The following SAXO5 variants were observed in gnomAD, a reference collection of about 807,000 sequenced individuals.
SAXO5 encodes stabilizer of axonemal microtubules 5, also known as testis expressed 45.
At chr19:7,503,805 A>T in the SAXO5 span, among the ~76,000 whole-genome samples, 1 of 151,724 alleles carries the variant, frequency 6.6e-6, no homozygotes, top group Non-Finnish European at 1.5e-5. Context: ...ATTTATCATT[A>T]TTTTTTAGAG....
At chr19:7,502,379 G>A in the SAXO5 span, among the ~76,000 whole-genome samples, 1 of 152,072 alleles carries the variant, frequency 6.6e-6, no homozygotes, top group Non-Finnish European at 1.5e-5. Context: ...CAAAGTGCTG[G>A]GATTATAGGC....
chr19:7,501,070 A>C, the SAXO5 span: 54 of 1,501,630 alleles, frequency 3.6e-5, no homozygotes, highest in African/African-American at 7.7e-4. Flanking sequence ...TCGGAGGCGC[A>C]CCGCGCGTTC....
At chr19:7,504,286 C>T in the SAXO5 span, 41 of 1,613,572 alleles carry the variant, frequency 2.5e-5, no homozygotes, top group Non-Finnish European at 8.5e-7. Context: ...GTGGTTTGGG[C>T]CTTCCTATCC....
At chr19:7,508,122 T>A in the SAXO5 span, 1 of 1,182,128 alleles carries the variant, frequency 8.5e-7, no homozygotes, top group South Asian at 1.4e-5. Flanking sequence ...CCCTGACTCA[T>A]CAGGCCTGGA....
chr19:7,504,342 A>C, the SAXO5 span: 1 of 1,614,190 alleles, frequency 6.2e-7, no homozygotes, highest in Non-Finnish European at 8.5e-7. Context: ...GGAGACTGCA[A>C]GATCAGCTAT....
chr19:7,502,593 T>C, the SAXO5 span, among the ~76,000 whole-genome samples: 1 of 152,124 alleles, frequency 6.6e-6, no homozygotes, highest in Non-Finnish European at 1.5e-5. Context: ...ATCCTCTGAA[T>C]CTGTCCAGAG....
At chr19:7,502,482 G>C in the SAXO5 span, among the ~76,000 whole-genome samples, 2 of 152,200 alleles carry the variant, frequency 1.3e-5, no homozygotes, top group Non-Finnish European at 2.9e-5. Flanking sequence ...CAGAGATGCT[G>C]CCAAGTATCC....
chr19:7,501,379 G>T, the SAXO5 span: 4 of 1,505,744 alleles, frequency 2.7e-6, no homozygotes, highest in Non-Finnish European at 3.5e-6. Flanking sequence ...CCGCAGCCTC[G>T]CGCGCCCAGT....
At chr19:7,501,751 G>A in the SAXO5 span, among the ~76,000 whole-genome samples, 41 of 151,960 alleles carry the variant, frequency 2.7e-4, no homozygotes, top group Admixed American at 2.7e-3. Context: ...AACCCAGGGG[G>A]CAGAGGTTGT....
the SAXO5 span, chr19:7,507,152 CG>C: frequency 6.2e-7 from 1 of 1,610,686 alleles, no homozygotes; most frequent in African/African-American, 1.3e-5. Context: ...GTAAGGGAGG[CG>C]GAGGGGAGCC....
At chr19:7,501,527 G>T in the SAXO5 span, 1 of 1,135,058 alleles carries the variant, frequency 8.8e-7, no homozygotes, top group Non-Finnish European at 1.2e-6. Context: ...TTGGTGGTCA[G>T]GACTTGGGGG....
chr19:7,505,318 G>A, the SAXO5 span: 2 of 1,612,850 alleles, frequency 1.2e-6, no homozygotes, highest in Non-Finnish European at 1.7e-6. Flanking sequence ...AATACACTAC[G>A]TACAGGTATG....
chr19:7,501,385 C>T, the SAXO5 span: 4 of 1,496,132 alleles, frequency 2.7e-6, no homozygotes, highest in Non-Finnish European at 3.5e-6. Context: ...CCTCGCGCGC[C>T]CAGTTGCCAC....
the SAXO5 span, among the ~76,000 whole-genome samples, chr19:7,501,752 C>A: frequency 6.6e-6 from 1 of 151,840 alleles, no homozygotes; most frequent in Non-Finnish European, 1.5e-5. Flanking sequence ...ACCCAGGGGG[C>A]AGAGGTTGTG....
chr19:7,500,437 G>A, the SAXO5 span, among the ~76,000 whole-genome samples: 5 of 151,850 alleles, frequency 3.3e-5, no homozygotes, highest in African/African-American at 1.2e-4. Flanking sequence ...GAGTAGCTGG[G>A]ACTACGGGCG....
At chr19:7,507,827 C>T in the SAXO5 span, among the ~76,000 whole-genome samples, 1 of 152,152 alleles carries the variant, frequency 6.6e-6, no homozygotes, top group African/African-American at 2.4e-5. Context: ...CCCCAGAGTT[C>T]AACCTCCCCA....
chr19:7,506,181 AAGCCCCGCCCCATGG>A, the SAXO5 span: 7 of 1,486,692 alleles, frequency 4.7e-6, no homozygotes, highest in Admixed American at 4.2e-5. Flanking sequence ...CGCTCCCGGG[AAGCCCCGCCCCATGG>A]AGCCCCGCCC....
the SAXO5 span, chr19:7,505,263 G>T: frequency 6.6e-7 from 1 of 1,515,452 alleles, no homozygotes; most frequent in Non-Finnish European, 9.2e-7. Context: ...GATTACAGGG[G>T]TGGGCCACCA....
chr19:7,499,387 G>A, the SAXO5 span, among the ~76,000 whole-genome samples: 2 of 146,208 alleles, frequency 1.4e-5, no homozygotes, highest in Non-Finnish European at 3.0e-5. Context: ...GAGGGGCGGG[G>A]GAGGGGGAGA....
Sources: allele counts gnomAD v4.1 joint callset (sites outside exome capture counted in the v4.1 genomes callset), GRCh38; gene constraint gnomAD v4.1.1; transcripts MANE v1.5; gene names NCBI Gene and HGNC (gene_info 2026-07-23, HGNC 2026-07-21).